Variants in MEGF11 observed in about 807,000 individuals in gnomAD.
The protein encoded by MEGF11 is multiple EGF like domains 11, also known as multiple epidermal growth factor-like domains protein 11.
Under a neutral mutation model 146.6 loss-of-function variants are expected in MEGF11, and 126 were observed. That is an observed-to-expected ratio of 0.86 (90% CI 0.74 to 1.00). The LOEUF (loss-of-function observed/expected upper bound fraction) is 1.00. MEGF11 is among the 50% of genes least tolerant of loss of function. MEGF11 has a pLI of 0.00. For synonymous variants in MEGF11, 532 were observed against 583.4 expected (o/e 0.91, Z 1.27); for missense variants, 1,509 against 1,521.2 (o/e 0.99, Z 0.13).
chr15:66,096,957 A>G (rs2086580558), intron 4 of MEGF11, among the ~76,000 whole-genome samples: 1 of 152,134 alleles, frequency 6.6e-6, no homozygotes, highest in Non-Finnish European at 1.5e-5. Flanking sequence ...ACCTCAGCTC[A>G]GTCCTGTATC....
At chr15:66,070,698 A>T (rs1371850626) in intron 5 of MEGF11, among the ~76,000 whole-genome samples, 1 of 152,230 alleles carries the variant, frequency 6.6e-6, no homozygotes. Flanking sequence ...ACCCCGCAGC[A>T]GCGGGGAGGC....
At chr15:66,172,073 C>T in intron 1 of MEGF11, among the ~76,000 whole-genome samples, 1 of 152,218 alleles carries the variant, frequency 6.6e-6, no homozygotes, top group East Asian at 1.9e-4. Flanking sequence ...ATCATTACTT[C>T]ACACGGCTGG....
chr15:65,988,008 C>CTTTT (rs35039801), intron 5 of MEGF11, among the ~76,000 whole-genome samples: 4,537 of 93,542 alleles, frequency 0.049, 239 homozygotes, highest in Non-Finnish European at 0.077. Context: ...AGTACCCGGT[C>CTTTT]TTTTTTTTTT....
intron 1 of MEGF11, among the ~76,000 whole-genome samples, chr15:66,153,344 G>A (rs907007351): frequency 1.3e-5 from 2 of 152,168 alleles, no homozygotes; most frequent in Admixed American, 6.5e-5. Context: ...GGAGGCCGAG[G>A]TGAGAGGATC....
At chr15:66,027,018 T>C (rs1567208009) in intron 5 of MEGF11, among the ~76,000 whole-genome samples, 1 of 152,224 alleles carries the variant, frequency 6.6e-6, no homozygotes, top group African/African-American at 2.4e-5. Context: ...TCTTGGTGCC[T>C]GTGATCCGCC....
At position 65,898,951 on chromosome 15, in the gene MEGF11, A is replaced by T. The variant is rs760860536; in HGVS notation, c.3056-17T>A. 4 of 1,612,778 alleles carry T rather than the reference A, an allele frequency of 2.5e-6. No individual in the cohort carries two copies. The East Asian group carries it at 8.9e-5, about 36-fold the overall frequency. ...TCATGTAATCTGCAAGGCAAGAGAC[A>T]TTTCTTAGGACAAGCAAGAATACAA... On this transcript the variant is annotated splice_polypyrimidine_tract_variant and intron_variant, in intron 24 of 25. Coordinates refer to ENST00000395614, the MANE Select transcript of MEGF11 (RefSeq NM_001385028.1).
intron 1 of MEGF11, among the ~76,000 whole-genome samples, chr15:66,183,214 C>T (rs1009112703): frequency 3.3e-5 from 5 of 152,088 alleles, no homozygotes; most frequent in African/African-American, 9.7e-5. Flanking sequence ...AAGATACACA[C>T]GGTGGCTGGG....
intron 5 of MEGF11, among the ~76,000 whole-genome samples, chr15:66,050,916 G>C (rs2084423551): frequency 6.6e-6 from 1 of 152,214 alleles, no homozygotes; most frequent in Admixed American, 6.5e-5. Context: ...CCTATCTTGG[G>C]GCAAGAAGAT....
intron 3 of MEGF11, among the ~76,000 whole-genome samples, chr15:66,120,731 C>A (rs931791101): frequency 2.0e-5 from 3 of 152,198 alleles, no homozygotes. Context: ...GCACAGAAGG[C>A]AGCTCCCGAC....
chr15:66,037,211 G>T (rs2083758279), intron 5 of MEGF11, among the ~76,000 whole-genome samples: 1 of 152,136 alleles, frequency 6.6e-6, no homozygotes, highest in Admixed American at 6.5e-5. Context: ...CACCTGCTCT[G>T]GGAAGGCATC....
chr15:66,020,230 A>C lies in MEGF11; in HGVS notation c.395-37742T>G, dbSNP rs373832862. Among the ~76,000 whole-genome samples the C allele has an allele frequency of 4.4e-4, 67 of 152,238 alleles. No homozygotes were observed. The East Asian group carries it at 6.2e-3, about 14-fold the overall frequency. On this transcript the variant is annotated intron_variant, in intron 5 of 25. Transcript: ENST00000395614. ...CTGGCCAATGGGATTCAATCCTGGG[A>C]CTCCAACAGGAACATTGGGTAAGTA...
At chr15:66,113,533 C>T (rs1023130333) in intron 4 of MEGF11, among the ~76,000 whole-genome samples, 1 of 152,190 alleles carries the variant, frequency 6.6e-6, no homozygotes, top group Non-Finnish European at 1.5e-5. Flanking sequence ...CTCCCTGCTG[C>T]CGCCCGCAGC....
At chr15:65,956,875 T>TTATTCTGAAATAGGTACATTCA (rs1347146644) in intron 10 of MEGF11, among the ~76,000 whole-genome samples, 1 of 152,230 alleles carries the variant, frequency 6.6e-6, no homozygotes, top group Non-Finnish European at 1.5e-5. Context: ...CTTAGCAAAG[T>TTATTCTGAAATAGGTACATTCA]TATTCTGAAA....
chr15:65,987,916 A>G (rs1296362858), intron 5 of MEGF11, among the ~76,000 whole-genome samples: 4 of 151,232 alleles, frequency 2.6e-5, no homozygotes, highest in South Asian at 2.1e-4. Flanking sequence ...TCACTGTGTT[A>G]GCCAGGATGG....
At chr15:66,173,009 T>C (rs904576722) in intron 1 of MEGF11, among the ~76,000 whole-genome samples, 11 of 152,194 alleles carry the variant, frequency 7.2e-5, no homozygotes, top group African/African-American at 2.7e-4. Flanking sequence ...CAAGGTGCTA[T>C]CAGGGCTCAA....
At chr15:65,930,203 G>GT (rs2079524069) in intron 11 of MEGF11, among the ~76,000 whole-genome samples, 1 of 152,164 alleles carries the variant, frequency 6.6e-6, no homozygotes. Flanking sequence ...AGGACCCTCT[G>GT]TTTGAGGGAC....
chr15:66,033,641 C>G (rs971212522), intron 5 of MEGF11, among the ~76,000 whole-genome samples: 2 of 152,246 alleles, frequency 1.3e-5, no homozygotes, highest in African/African-American at 2.4e-5. Context: ...CCCAGCAAGG[C>G]TATGGGGATG....
chr15:66,004,272 GA>G (rs1177621510), intron 5 of MEGF11, among the ~76,000 whole-genome samples: 1 of 151,994 alleles, frequency 6.6e-6, no homozygotes, highest in African/African-American at 2.4e-5. Context: ...TGAAGGGATT[GA>G]AAAAGGAGGT....
intron 1 of MEGF11, among the ~76,000 whole-genome samples, chr15:66,226,467 T>C (rs11637056): frequency 0.48 from 72,946 of 151,864 alleles, 18,445 homozygotes; most frequent in Non-Finnish European, 0.58. Context: ...AGTCTGGTCT[T>C]GAACTCCTGA....
Sources: allele counts gnomAD v4.1 joint callset (sites outside exome capture counted in the v4.1 genomes callset), GRCh38; gene constraint gnomAD v4.1.1; transcripts MANE v1.5; gene names NCBI Gene and HGNC (gene_info 2026-07-23, HGNC 2026-07-21).